Variants in CROCC2 observed in about 807,000 individuals in gnomAD.
CROCC2 encodes ciliary rootlet coiled-coil protein 2.
In CROCC2, 163 loss-of-function variants were observed where a neutral mutation model predicts 177.6. The observed-to-expected ratio is 0.92, with a 90% CI of 0.81 to 1.05. CROCC2 has a LOEUF of 1.05. Ranked by LOEUF, CROCC2 falls within the 50% of genes least tolerant of loss-of-function variation. The pLI, the probability that CROCC2 is intolerant of heterozygous loss-of-function variation, is 0.00. For missense variants in CROCC2, 1,929 were observed against 1,797.8 expected, an observed-to-expected ratio of 1.07 and a Z score of -1.32; for synonymous variants, 904 against 787.3, an observed-to-expected ratio of 1.15 and a Z score of -2.48.
At position 240,932,801 on chromosome 2, in the gene CROCC2, TC is replaced by T. The variant is rs2106461210; in HGVS notation, c.1150del (p.His384IlefsTer26). 1.3e-6 allele frequency: 2 copies of T among 1,497,500 alleles called. No individual in the cohort carries two copies. Among genetic ancestry groups the T allele is most frequent in the Non-Finnish European group, 1.8e-6 (2 of 1,101,458 alleles). 92.8% of individuals were successfully genotyped at this position (1,497,500 alleles called of 1,614,324 possible). On this transcript the variant is annotated frameshift_variant, in exon 9 of 32. Transcript: ENST00000690015. LOFTEE classifies it high-confidence loss of function. Reference sequence around the variant, plus strand: ...ACTGAGGAGCCCCCAACGTGCCACATCCCCCCATCAAGGGGCGTCCCCACCA... The same window carrying T: ...ACTGAGGAGCCCCCAACGTGCCACATCCCCCATCAAGGGGCGTCCCCACCA... ...RPLRSPQRAT[S>X]PHQGASPPHI...
intron 4 of CROCC2, among the ~76,000 whole-genome samples, 198 bp downstream of exon 4, chr2:240,922,843 G>C (rs921064438): frequency 6.6e-6 from 1 of 152,164 alleles, no homozygotes; most frequent in African/African-American, 2.4e-5. Flanking sequence ...CGGCTGGGAA[G>C]GGGGACTGAC....
intron 1 of CROCC2, among the ~76,000 whole-genome samples, chr2:240,913,978 G>A (rs373646822): frequency 6.4e-4 from 97 of 152,358 alleles, no homozygotes; most frequent in Middle Eastern, 3.4e-3. Flanking sequence ...AGACTTCCCC[G>A]CCCAGGGATG....
In CROCC2 at chr2:240,930,958, G is replaced by A. The variant is rs954460558; in HGVS notation, c.777G>A (p.Thr259=). The A allele has an allele frequency of 3.5e-5, 25 of 714,570 alleles. No individual in the cohort carries two copies. The highest frequency in any genetic ancestry group is 1.3e-4 in the East Asian group (5 of 37,280). 44.3% of individuals were successfully genotyped at this position (714,570 alleles called of 1,614,324 possible). ...ERGLADLQAD[T]ARTARRLHTA... ...GCCTCGCTGACCTGCAGGCAGACAC[G>A]GCCAGGACAGCCCGCCGCCTGCACA... is the stretch of plus-strand genomic sequence containing the variant. Residue 259 remains threonine, a synonymous_variant, in exon 7 of 32, where the codon ACG becomes ACA. Coordinates refer to ENST00000690015, the MANE Select transcript of CROCC2 (RefSeq NM_001351305.2).
chr2:240,954,800 A>G (rs1321249803), intron 18 of CROCC2: 1 of 152,148 alleles, frequency 6.6e-6, no homozygotes, highest in Non-Finnish European at 1.5e-5. Context: ...ATTCAGTAGG[A>G]ACCCACCCTG....
In CROCC2 at chr2:240,926,643, C is replaced by T. The variant is rs190880630; in HGVS notation, c.645+763C>T. 1.9e-3 allele frequency among the ~76,000 whole-genome samples: 295 copies of T among 152,358 alleles called. 7 individuals are homozygous for T. The East Asian group carries it at 0.042, about 22-fold the overall frequency. ...GAGGCAGGAGCCGGAGGGGCAGCCGCGTTTCTGGCCTCCAGTTGCCTCCAC... is the reference window on the plus strand; with the variant it reads ...GAGGCAGGAGCCGGAGGGGCAGCCGTGTTTCTGGCCTCCAGTTGCCTCCAC... On this transcript the variant is annotated intron_variant, in intron 5 of 31. Coordinates refer to ENST00000690015, the MANE Select transcript of CROCC2 (RefSeq NM_001351305.2).
chr2:240,949,664 G>T lies in CROCC2; in HGVS notation c.2614G>T (p.Ala872Ser). 1.0e-5 allele frequency: 16 copies of T among 1,547,208 alleles called. No homozygotes were observed. Among genetic ancestry groups the T allele is most frequent in the Non-Finnish European group, 1.3e-5 (15 of 1,145,896 alleles). ...AQRALESQAL[A>S]HREALAQLQR... ...GCGGGCCCTGGAGAGCCAGGCGTTG[G>T]CCCACCGAGAGGCCCTGGCACAGCT... The change falls in exon 17 of 32, where the codon GCC becomes TCC. Residue 872 changes from alanine to serine, a missense_variant. By Grantham distance (99) the Ala-to-Ser change is moderately conservative. Around this residue, in one of 3 missense-constraint regions of CROCC2, gnomAD observed 1,397 missense variants for 1,239.9 expected, o/e 1.13. Coordinates refer to ENST00000690015, the MANE Select transcript of CROCC2 (RefSeq NM_001351305.2). The surrounding 1 kb of genome is among the most constrained non-coding windows in gnomAD (Gnocchi z 4.5).
At position 240,959,307 on chromosome 2, in the gene CROCC2, A is replaced by G; in HGVS notation, c.2950A>G (p.Ile984Val). 1 of 1,550,180 alleles carries G rather than the reference A, an allele frequency of 6.5e-7. No individual in the cohort carries two copies. ...GGCTCCCTTCTCCCCGCAGGCCACC[A>G]TCAGTGCCACGACTGAGGAGCTGAA... ...QSQQEQAQATISATTEELKAL... is the reference protein window; with the variant it reads ...QSQQEQAQATVSATTEELKAL... Residue 984 changes from isoleucine to valine, a missense_variant, in exon 20 of 32, where the codon ATC becomes GTC. By Grantham distance (29) the Ile-to-Val change is conservative. Around this residue, in one of 3 missense-constraint regions of CROCC2, gnomAD observed 1,397 missense variants for 1,239.9 expected, o/e 1.13. Coordinates refer to ENST00000690015, the MANE Select transcript of CROCC2 (RefSeq NM_001351305.2).
At chr2:240,952,883 A>G (rs757109016) in intron 18 of CROCC2, among the ~76,000 whole-genome samples, 2 of 151,980 alleles carry the variant, frequency 1.3e-5, no homozygotes, top group Admixed American at 6.5e-5. Flanking sequence ...GCAAAGGAGG[A>G]GAAAGGTAAG....
In CROCC2 at chr2:240,960,152, C is replaced by T. The variant is rs2059621827; in HGVS notation, c.3087+708C>T. Among the ~76,000 whole-genome samples the T allele has an allele frequency of 6.6e-6, 1 of 152,164 alleles. No homozygotes were observed. Among genetic ancestry groups the T allele is most frequent in the Non-Finnish European group, 1.5e-5 (1 of 68,042 alleles). On this transcript the variant is annotated intron_variant, in intron 20 of 31. Transcript: ENST00000690015. This position sits in a 1 kb window ranked among gnomAD's most constrained non-coding sequence, Gnocchi z 5.0. ...GACCTGGGGCGAAGGGGAATTCGGACCCTTGGCCAAGAGGCCCATCGAGCC... is the reference window on the plus strand; with the variant it reads ...GACCTGGGGCGAAGGGGAATTCGGATCCTTGGCCAAGAGGCCCATCGAGCC...
intron 27 of CROCC2, among the ~76,000 whole-genome samples, chr2:240,974,534 C>CTTTTTTTTT (rs61276773): frequency 1.4e-4 from 19 of 134,892 alleles, no homozygotes; most frequent in Middle Eastern, 3.9e-3. Context: ...TCTTTTTTTT[C>CTTTTTTTTT]TTTTTTTTTT....
Position 240,932,928 on chromosome 2 carries a change from A to G in CROCC2, c.1251+20A>G. On this transcript the variant is annotated intron_variant, in intron 9 of 31. Coordinates refer to ENST00000690015, the MANE Select transcript of CROCC2 (RefSeq NM_001351305.2). The stretch of plus-strand genomic sequence containing the variant: ...GAACAGGTGGGCAGCCGCAGCCCAC[A>G]GGACTCCCTGTCTCCCTGAGGGCAG... The G allele has an allele frequency of 1.9e-6, 3 of 1,543,426 alleles. No individual in the cohort carries two copies. Among genetic ancestry groups the G allele is most frequent in the Non-Finnish European group, 1.7e-6 (2 of 1,146,176 alleles).
In CROCC2 at chr2:240,922,637, C is replaced by G. The variant is rs1005090935; in HGVS notation, c.480C>G (p.Ala160=). The change falls in exon 4 of 32, where the codon GCC becomes GCG. Residue 160 remains alanine, a synonymous_variant. Coordinates refer to ENST00000690015, the MANE Select transcript of CROCC2 (RefSeq NM_001351305.2). ...LEEALGRLEA[A]EERSTGLCQV... The stretch of plus-strand genomic sequence containing the variant: ...AGGCCCTTGGCCGTCTGGAGGCTGC[C>G]GAGGAGAGGTGAGGCCAGGTGCGGG... 1 of 651,040 alleles carries G rather than the reference C, an allele frequency of 1.5e-6. No individual in the cohort carries two copies. The allele number at this position is 651,040 out of a possible 1,614,324, so 40.3% of individuals were successfully genotyped here. A position where few individuals can be genotyped will look rare whatever the true frequency, so the allele number is the denominator to read the frequency against.
intron 27 of CROCC2, among the ~76,000 whole-genome samples, chr2:240,969,246 G>C (rs566404992): frequency 6.6e-6 from 1 of 152,356 alleles, no homozygotes; most frequent in East Asian, 1.9e-4. Flanking sequence ...CAGCCGGCCA[G>C]GCCTGTGCTG....
At chr2:240,967,559 C>T in intron 26 of CROCC2, 94 bp downstream of exon 26, 3 of 1,513,940 alleles carry the variant, frequency 2.0e-6, no homozygotes, top group Non-Finnish European at 2.7e-6. Context: ...GCTTTCAGTC[C>T]CTGGGGCAGC....
In CROCC2 at chr2:240,953,320, C is replaced by T. The variant is rs528979997; in HGVS notation, c.2830-2539C>T. On this transcript the variant is annotated intron_variant, in intron 18 of 31. Transcript: ENST00000690015. This position sits in a 1 kb window ranked among gnomAD's most constrained non-coding sequence, Gnocchi z 4.0. Reference sequence around the variant, plus strand: ...ATCCCCGCTACTCAGGAGGCTGAGGCAGGAGAATCGCTTGAACCCAGGAGA... The same window carrying T: ...ATCCCCGCTACTCAGGAGGCTGAGGTAGGAGAATCGCTTGAACCCAGGAGA... 6.6e-6 allele frequency among the ~76,000 whole-genome samples: 1 copy of T among 152,008 alleles called. No homozygotes were observed. The highest frequency in any genetic ancestry group is 1.9e-4 in the East Asian group (1 of 5,168).
intron 20 of CROCC2, chr2:240,959,752 T>G: frequency 4.1e-6 from 1 of 243,698 alleles, no homozygotes; most frequent in East Asian, 8.5e-5. Flanking sequence ...CTAAGCCTCC[T>G]GAAGGGGTGA....
intron 5 of CROCC2, among the ~76,000 whole-genome samples, chr2:240,927,400 G>A (rs544511718): frequency 1.9e-4 from 29 of 152,190 alleles, no homozygotes; most frequent in African/African-American, 2.6e-4. Context: ...TCTGAGCTCC[G>A]GCTAGACATG....
intron 12 of CROCC2, 26 bp downstream of exon 12, chr2:240,934,501 C>T (rs1444526977): frequency 1.3e-6 from 2 of 1,536,950 alleles, no homozygotes; most frequent in Non-Finnish European, 8.8e-7. Flanking sequence ...CACAACCCCG[C>T]CCCCTCTCCT....
chr2:240,967,713 G>A (rs776559333), intron 26 of CROCC2: 5 of 440,080 alleles, frequency 1.1e-5, no homozygotes, highest in East Asian at 1.6e-4. Context: ...CTCCCGATCC[G>A]GCCCCCAGCA....
Sources: gnomAD v4.1 joint callset for allele counts (sites outside exome capture counted in the v4.1 genomes callset) on GRCh38, gnomAD v4.1.1 for gene constraint, gnomAD v4.1.1 regional missense constraint, Gnocchi (gnomAD v3.1) non-coding constraint, MANE v1.5 for transcripts, NCBI Gene and HGNC (gene_info 2026-07-23, HGNC 2026-07-21) for gene names.